TMEM131L: variants seen among roughly 807,000 people sequenced by gnomAD.
The protein encoded by TMEM131L is transmembrane protein 131-like.
Under a neutral mutation model 192.2 loss-of-function variants are expected in TMEM131L, and 54 were observed. The ratio of observed to expected loss-of-function variants is 0.28; its 90% CI spans 0.23 to 0.35. The LOEUF is 0.35. Among genes scored for constraint, TMEM131L ranks in the 10% least tolerant of loss-of-function variants. The pLI is 1.00. For missense variants in TMEM131L, 1,888 were observed against 1,972.9 expected (o/e 0.96, Z 0.82); for synonymous variants, 701 against 704.9 (o/e 0.99, Z 0.09).
chr4:153,537,592 T>C (rs112113629), intron 3 of TMEM131L, among the ~76,000 whole-genome samples: 15,452 of 152,022 alleles, frequency 0.1, 2,534 homozygotes, highest in African/African-American at 0.35. Flanking sequence ...GCTGGTGGAG[T>C]GTAGCAGTGA....
At chr4:153,543,732 T>C (rs1736965404) in intron 3 of TMEM131L, among the ~76,000 whole-genome samples, 1 of 152,226 alleles carries the variant, frequency 6.6e-6, no homozygotes, top group African/African-American at 2.4e-5. Flanking sequence ...CAGAGGAAGA[T>C]GGTGGTTGAC....
At chr4:153,509,730 A>T (rs1198708758) in intron 3 of TMEM131L, among the ~76,000 whole-genome samples, 2 of 152,102 alleles carry the variant, frequency 1.3e-5, no homozygotes, top group East Asian at 1.9e-4. Flanking sequence ...AAACTCCCAA[A>T]CACCTCATTT....
rs1385831044 is a variant in TMEM131L at position 153,532,529 on chromosome 4, G to T, written c.240-17544G>T. Among the ~76,000 whole-genome samples the T allele has an allele frequency of 2.6e-5, 4 of 151,768 alleles. No homozygotes were observed. In the South Asian group the frequency reaches 8.3e-4, roughly 31 times the overall value. On this transcript the variant is annotated intron_variant, in intron 3 of 34. Transcript: ENST00000409959. ...AAAGAGTGCAACTCAATATTTTTTA[G>T]TGTATTTGTGGGGTTTTGCAACCAG... is the stretch of plus-strand genomic sequence containing the variant.
chr4:153,542,743 G>T (rs1335754868), intron 3 of TMEM131L, among the ~76,000 whole-genome samples: 1 of 152,210 alleles, frequency 6.6e-6, no homozygotes, highest in Non-Finnish European at 1.5e-5. Context: ...AGGATCTTAA[G>T]TGAGCAGGGC....
chr4:153,524,218 G>T (rs1310814456), intron 3 of TMEM131L, among the ~76,000 whole-genome samples: 2 of 150,130 alleles, frequency 1.3e-5, no homozygotes, highest in African/African-American at 4.9e-5. Context: ...CATTCTCAGA[G>T]CTTTGCATTC....
chr4:153,536,190 T>C (rs2150288294), intron 3 of TMEM131L, among the ~76,000 whole-genome samples: 1 of 152,108 alleles, frequency 6.6e-6, no homozygotes, highest in African/African-American at 2.4e-5. Context: ...ACCTGGCCAC[T>C]GGGGGGGTTA....
At chr4:153,496,341 A>G (rs1290542890) in intron 3 of TMEM131L, among the ~76,000 whole-genome samples, 5 of 152,194 alleles carry the variant, frequency 3.3e-5, no homozygotes, top group African/African-American at 7.2e-5. Context: ...GCTCCATTGC[A>G]TCGAAAACGG....
At chr4:153,467,375 C>G (rs1308857343) in intron 2 of TMEM131L, 94 bp downstream of exon 2, 18 of 1,117,654 alleles carry the variant, frequency 1.6e-5, no homozygotes, top group Non-Finnish European at 2.2e-5. Flanking sequence ...CCAAGCGGCA[C>G]AGGCGTTCGG....
intron 4 of TMEM131L, among the ~76,000 whole-genome samples, chr4:153,552,304 G>A (rs1737685580): frequency 6.6e-6 from 1 of 152,174 alleles, no homozygotes; most frequent in South Asian, 2.1e-4. Flanking sequence ...AATAATAGTA[G>A]TAGTAAGTAT....
In TMEM131L at chr4:153,603,869, C is replaced by A; in HGVS notation, c.2857C>A (p.Pro953Thr). ...TAAAGGCAGGGGGAAGAACTGCCTT[C>A]CAGTGAACACTCCCCAAAGCAGGAT... ...SDKGRGKNCL[P>T]VNTPQSRIQN... The change falls in exon 25 of 35, where the codon CCA becomes ACA. Residue 953 changes from proline (P) to threonine (T), a missense_variant. Transcript: ENST00000409959. 1 of 1,613,914 alleles carries A rather than the reference C, an allele frequency of 6.2e-7. No individual in the cohort carries two copies. The highest frequency in any genetic ancestry group is 1.1e-5 in the South Asian group (1 of 91,046).
At chr4:153,616,473 G>C (rs1208458519) in intron 26 of TMEM131L, among the ~76,000 whole-genome samples, 1 of 152,124 alleles carries the variant, frequency 6.6e-6, no homozygotes, top group African/African-American at 2.4e-5. Flanking sequence ...GTATAAATCT[G>C]TCTGTATAAT....
At position 153,486,779 on chromosome 4, in the gene TMEM131L, C is replaced by T. The variant is rs140288876; in HGVS notation, c.239+12891C>T. On this transcript the variant is annotated intron_variant, in intron 3 of 34. Coordinates refer to ENST00000409959, the MANE Select transcript of TMEM131L (RefSeq NM_001131007.2). ...TCACCTTGAACCACTCACCCACCCA[C>T]GCCTGTGGAGTGGTGGAACCACGTG... Among the ~76,000 whole-genome samples the T allele has an allele frequency of 1.1e-3, 161 of 152,346 alleles. 1 individual carries two copies. The highest frequency in any genetic ancestry group is 3.4e-3 in the Middle Eastern group (1 of 294).
At chr4:153,579,740 T>A (rs1031852621) in intron 7 of TMEM131L, among the ~76,000 whole-genome samples, 2 of 152,236 alleles carry the variant, frequency 1.3e-5, no homozygotes, top group African/African-American at 4.8e-5. Flanking sequence ...CCCAAAGTGC[T>A]GGGATTACAG....
intron 3 of TMEM131L, among the ~76,000 whole-genome samples, chr4:153,548,428 C>T (rs1036107418): frequency 1.3e-5 from 2 of 152,178 alleles, no homozygotes; most frequent in African/African-American, 2.4e-5. Flanking sequence ...CCTCAGCCTC[C>T]TGAGTAGCTG....
In TMEM131L at chr4:153,592,493, C is replaced by T; in HGVS notation, c.1831C>T (p.Gln611Ter). 1 of 1,613,980 alleles carries T rather than the reference C, an allele frequency of 6.2e-7. No homozygotes were observed. Residue 611 changes from glutamine to a stop codon, truncating the protein, a stop_gained, in exon 18 of 35, where the codon CAG becomes TAG. Coordinates refer to ENST00000409959, the MANE Select transcript of TMEM131L (RefSeq NM_001131007.2). LOFTEE classifies it high-confidence loss of function. ...RSRMIKYFVV[Q>*]NPSSWPVSLQ... ...CACCTAGATCAAGTACTTTGTGGTG[C>T]AGAACCCGTCCTCTTGGCCGGTCTC...
At chr4:153,518,125 C>T (rs900475903) in intron 3 of TMEM131L, among the ~76,000 whole-genome samples, 2 of 152,108 alleles carry the variant, frequency 1.3e-5, no homozygotes, top group African/African-American at 4.8e-5. Flanking sequence ...AGTGAACATG[C>T]CGGGCTTGAT....
chr4:153,593,477 CT>C (rs199645366), intron 18 of TMEM131L, among the ~76,000 whole-genome samples: 1 of 151,436 alleles, frequency 6.6e-6, no homozygotes, highest in Admixed American at 6.6e-5. Flanking sequence ...TTGAGAGTCA[CT>C]TTTTTTTTCA....
At chr4:153,576,978 C>T (rs766890195) in intron 7 of TMEM131L, among the ~76,000 whole-genome samples, 3 of 152,104 alleles carry the variant, frequency 2.0e-5, no homozygotes, top group Non-Finnish European at 4.4e-5. Flanking sequence ...CTTAGAATCT[C>T]CTGGCGTAGG....
Position 153,555,968 on chromosome 4 carries a change from T to G in TMEM131L, c.432+58T>G, listed in dbSNP as rs975044166. On this transcript the variant is annotated intron_variant, in intron 5 of 34. Coordinates refer to ENST00000409959, the MANE Select transcript of TMEM131L (RefSeq NM_001131007.2). This position sits in a 1 kb window ranked among gnomAD's most constrained non-coding sequence, Gnocchi z 4.1. ...GTGGCAGGCAGCCAGGTTTTCTTGCTTTCTTTGGCCTGAAGTTTTTACTTT... is the reference window on the plus strand; with the variant it reads ...GTGGCAGGCAGCCAGGTTTTCTTGCGTTCTTTGGCCTGAAGTTTTTACTTT... 84 of 1,538,330 alleles carry G rather than the reference T, an allele frequency of 5.5e-5. No individual in the cohort carries two copies. The highest frequency in any genetic ancestry group is 1.8e-4 in the Middle Eastern group (1 of 5,502).
Sources: allele counts gnomAD v4.1 joint callset (sites outside exome capture counted in the v4.1 genomes callset), GRCh38; gene constraint gnomAD v4.1.1; non-coding constraint Gnocchi (gnomAD v3.1); transcripts MANE v1.5; gene names NCBI Gene and HGNC (gene_info 2026-07-23, HGNC 2026-07-21).